Variants in HEPH observed in about 807,000 individuals in gnomAD.
HEPH encodes hephaestin.
Under a neutral mutation model 80.8 loss-of-function variants are expected in HEPH, and 69 were observed. The observed-to-expected ratio is 0.85, with a 90% CI of 0.70 to 1.04. The LOEUF (loss-of-function observed/expected upper bound fraction) is 1.04. Ranked by LOEUF, HEPH falls within the 50% of genes least tolerant of loss-of-function variation. The probability of loss-of-function intolerance (pLI) is 0.00; values close to 1 mark genes in which losing one functional copy is unlikely to be tolerated. For synonymous variants in HEPH, 431 were observed against 322.8 expected (o/e 1.34, Z -3.60); for missense variants, 1,115 against 891.3 (o/e 1.25, Z -3.20).
intron 4 of HEPH, 83 bp downstream of exon 4, chrX:66,173,884 G>A: frequency 4.6e-6 from 3 of 653,901 alleles, no homozygotes; most frequent in Non-Finnish European, 6.8e-6. Context: ...CCTACATATT[G>A]GACAGCAGCC....
Position 66,203,441 on chromosome X carries a change from C to T in HEPH, c.2155C>T (p.Pro719Ser). The change falls in exon 13 of 21, where the codon CCT becomes TCT. Residue 719 changes from proline to serine, a missense_variant. This residue lies in a region of HEPH where 716 missense variants were observed against 523.5 expected (regional missense o/e 1.37). Coordinates refer to ENST00000343002, the MANE Select transcript of HEPH (RefSeq NM_001367233.3). ...MRAIYNVSQC[P>S]GHQATPRQRY... Reference sequence around the variant, plus strand: ...GGCAATCTATAATGTCTCCCAGTGTCCTGGCCACCAAGCCACCCCTCGCCA... The same window carrying T: ...GGCAATCTATAATGTCTCCCAGTGTTCTGGCCACCAAGCCACCCCTCGCCA... The T allele has an allele frequency of 8.3e-7, 1 of 1,210,463 alleles. No individual in the cohort carries two copies. Among genetic ancestry groups the T allele is most frequent in the Non-Finnish European group, 1.1e-6 (1 of 895,037 alleles).
At chrX:66,210,389 TAGGC>T (rs1202837270) in intron 15 of HEPH, among the ~76,000 whole-genome samples, 2 of 111,854 alleles carry the variant, frequency 1.8e-5, no homozygotes. Flanking sequence ...TTTTAAGACT[TAGGC>T]AGAACAATTT....
chrX:66,204,181 G>A (rs763554057), intron 13 of HEPH, among the ~76,000 whole-genome samples: 2 of 111,632 alleles, frequency 1.8e-5, no homozygotes, highest in Non-Finnish European at 3.8e-5. Context: ...GACACAGCAT[G>A]GAAATTGTAT....
In HEPH at chrX:66,255,289, C is replaced by A. The variant is rs1044759717; in HGVS notation, c.2670+148C>A. On this transcript the variant is annotated intron_variant, in intron 16 of 20. Transcript: ENST00000343002. The stretch of plus-strand genomic sequence containing the variant: ...CAAAAGCTGGACTTATTTTAATAGA[C>A]AGGAGGAGGGACGAAGGGAATGGGT... 22 of 371,849 alleles carry A rather than the reference C, an allele frequency of 5.9e-5. No homozygotes were observed. The East Asian group carries it at 9.0e-4, about 15-fold the overall frequency. 30.6% of individuals were successfully genotyped at this position (371,849 alleles called of 1,213,427 possible).
intron 9 of HEPH, among the ~76,000 whole-genome samples, chrX:66,196,650 G>A (rs2088119180): frequency 8.9e-6 from 1 of 111,770 alleles, no homozygotes; most frequent in Admixed American, 9.5e-5. Context: ...TATCAGTTTA[G>A]AGTTCCATTA....
At chrX:66,235,738 G>A (rs1191822706) in intron 15 of HEPH, among the ~76,000 whole-genome samples, 1 of 111,878 alleles carries the variant, frequency 8.9e-6, no homozygotes, top group Admixed American at 9.5e-5. Flanking sequence ...TTGAAAAATG[G>A]CATCTGTAGT....
Position 66,263,978 on chromosome X carries a change from A to G in HEPH, c.3244+290A>G, listed in dbSNP as rs1329318863. 2.2e-4 allele frequency among the ~76,000 whole-genome samples: 24 copies of G among 110,407 alleles called. No homozygotes were observed. In the Admixed American group the frequency reaches 2.3e-3, roughly 10 times the overall value. On this transcript the variant is annotated intron_variant, in intron 20 of 20. Transcript: ENST00000343002. ...CCTCTCATCTAATGTGTGAGGGGGG[A>G]AGTAAATTCTAGATACTAGTCGAAA...
chrX:66,163,875 G>GA (rs940065022), upstream of HEPH, among the ~76,000 whole-genome samples: 1 of 111,920 alleles, frequency 8.9e-6, no homozygotes, highest in African/African-American at 3.2e-5. Context: ...TTAGAATGTA[G>GA]AAAAAAAGTC....
chrX:66,201,221 C>G (rs1166889630), intron 12 of HEPH, among the ~76,000 whole-genome samples: 3 of 110,406 alleles, frequency 2.7e-5, no homozygotes, highest in Non-Finnish European at 5.7e-5. Flanking sequence ...CCACCCTCTG[C>G]CCCCTGCCAC....
In HEPH at chrX:66,183,457, C is replaced by A. The variant is rs1207482444; in HGVS notation, c.626-4902C>A. On this transcript the variant is annotated intron_variant, in intron 4 of 20. Transcript: ENST00000343002. ...GAGTGTATGTGTCGAGGAATGTATC[C>A]ATTTCTTCTAGATTTTCTAGTTTAT... Among the ~76,000 whole-genome samples, 7 of 29,025 alleles carry A rather than the reference C, an allele frequency of 2.4e-4. No individual in the cohort carries two copies. In the South Asian group the frequency reaches 0.016, roughly 68 times the overall value. The allele number at this position is 29,025 out of a possible 115,157, so 25.2% of individuals were successfully genotyped here.
intron 4 of HEPH, among the ~76,000 whole-genome samples, chrX:66,178,626 T>C (rs1257925723): frequency 8.9e-6 from 1 of 112,121 alleles, no homozygotes; most frequent in Non-Finnish European, 1.9e-5. Context: ...GACTTTTTAA[T>C]GATTGCCATT....
In HEPH at chrX:66,200,678, A is replaced by G; in HGVS notation, c.2003A>G (p.Gln668Arg). 1 of 1,211,546 alleles carries G rather than the reference A, an allele frequency of 8.3e-7. No homozygotes were observed. Among genetic ancestry groups the G allele is most frequent in the South Asian group, 1.8e-5 (1 of 56,938 alleles). ...TTCCAGGGCAACACTGTGCAGCTTC[A>G]GGGCATGAGGAAGGGTGCAGCTATG... ...VMFQGNTVQL[Q>R]GMRKGAAMLF... Residue 668 changes from glutamine (Q) to arginine (R), a missense_variant, in exon 12 of 21, where the codon CAG becomes CGG. This residue lies in a region of HEPH where 716 missense variants were observed against 523.5 expected (regional missense o/e 1.37). Transcript: ENST00000343002.
At position 66,266,007 on chromosome X, in the gene HEPH, A is replaced by C. The variant is rs138329994; in HGVS notation, c.3245-433A>C. On this transcript the variant is annotated intron_variant, in intron 20 of 20. Transcript: ENST00000343002. ...GACAGCCTAGTAGCAGGTTCTTGTC[A>C]TGGTTTAATTGTCAAAATTGCTATT... 3.6e-3 allele frequency among the ~76,000 whole-genome samples: 403 copies of C among 112,129 alleles called. 2 individuals carry two copies. Among genetic ancestry groups the C allele is most frequent in the African/African-American group, 0.013 (393 of 30,917 alleles).
chrX:66,264,588 G>A (rs1187828195), intron 20 of HEPH, among the ~76,000 whole-genome samples: 1 of 108,677 alleles, frequency 9.2e-6, no homozygotes, highest in Admixed American at 1.0e-4. Flanking sequence ...AAAGGTATGA[G>A]AGCTAAAAGG....
At chrX:66,190,396 T>C (rs1328282118) in intron 6 of HEPH, among the ~76,000 whole-genome samples, 2 of 111,216 alleles carry the variant, frequency 1.8e-5, no homozygotes, top group Non-Finnish European at 3.8e-5. Flanking sequence ...GTGGAAGGTT[T>C]TATTTTCAAA....
Position 66,195,177 on chromosome X carries a change from G to A in HEPH, c.1449G>A (p.Gln483=). The change falls in exon 9 of 21, where the codon CAG becomes CAA. Residue 483 remains glutamine, a synonymous_variant. Coordinates refer to ENST00000343002, the MANE Select transcript of HEPH (RefSeq NM_001367233.3). ...YNRASQPFSM[Q]PHGVFYEKDY... ...GTGCCTCCCAGCCATTCAGCATGCAGCCCCATGGGGTCTTTTATGAGAAAG... is the reference window on the plus strand; with the variant it reads ...GTGCCTCCCAGCCATTCAGCATGCAACCCCATGGGGTCTTTTATGAGAAAG... 8.3e-7 allele frequency: 1 copy of A among 1,202,344 alleles called. No individual in the cohort carries two copies. The highest frequency in any genetic ancestry group is 1.1e-6 in the Non-Finnish European group (1 of 890,946).
At chrX:66,167,893 A>G (rs1161821421) in intron 1 of HEPH, among the ~76,000 whole-genome samples, 1 of 112,289 alleles carries the variant, frequency 8.9e-6, no homozygotes, top group African/African-American at 3.2e-5. Flanking sequence ...CAAGTATTAG[A>G]ACTTGAACCA....
At chrX:66,199,091 G>T in intron 11 of HEPH, 63 bp downstream of exon 11, 2 of 1,068,969 alleles carry the variant, frequency 1.9e-6, no homozygotes, top group East Asian at 3.0e-5. Flanking sequence ...AACTTTAACC[G>T]TAATCATGAC....
At chrX:66,194,968 T>C in intron 8 of HEPH, 130 bp from the exon 9 acceptor site, 4 of 459,566 alleles carry the variant, frequency 8.7e-6, no homozygotes, top group Non-Finnish European at 1.3e-5. Context: ...GTTCTTATTA[T>C]TACAAAGAAA....
Sources: gnomAD v4.1 joint callset for allele counts (sites outside exome capture counted in the v4.1 genomes callset) on GRCh38, gnomAD v4.1.1 for gene constraint, gnomAD v4.1.1 regional missense constraint, MANE v1.5 for transcripts, NCBI Gene and HGNC (gene_info 2026-07-23, HGNC 2026-07-21) for gene names.